Variants in FRMPD4 observed in about 807,000 individuals in gnomAD.
FRMPD4 encodes FERM and PDZ domain-containing protein 4.
In FRMPD4, 22 loss-of-function variants were observed where a neutral mutation model predicts 94.1. That is an observed-to-expected ratio of 0.23 (90% CI 0.17 to 0.33). FRMPD4 has a LOEUF of 0.33. Among genes scored for constraint, FRMPD4 ranks in the 10% least tolerant of loss-of-function variants. The probability of loss-of-function intolerance (pLI) is 1.00; values close to 1 mark genes in which losing one functional copy is unlikely to be tolerated. For missense variants in FRMPD4, 1,111 were observed against 1,339.9 expected (o/e 0.83, Z 2.67); for synonymous variants, 631 against 548.6 (o/e 1.15, Z -2.10).
At chrX:12,101,003 A>T (rs972356286) in intron 3 of FRMPD4, among the ~76,000 whole-genome samples, 1 of 112,276 alleles carries the variant, frequency 8.9e-6, no homozygotes, top group African/African-American at 3.2e-5. Context: ...ACAAAAAGCA[A>T]ACTTTATAGT....
At chrX:11,839,934 G>T (rs1245947472) in intron 1 of FRMPD4, among the ~76,000 whole-genome samples, 10 of 110,989 alleles carry the variant, frequency 9.0e-5, no homozygotes, top group Non-Finnish European at 1.7e-4. Flanking sequence ...CTGTTCTATT[G>T]GTCTATATAC....
Position 12,042,266 on chromosome X carries a change from T to G in FRMPD4, c.95+164248T>G, listed in dbSNP as rs765335223. Reference sequence around the variant, plus strand: ...GGAAACACTTTCCTATTCTTTTGCATGTCTCATAAGTCTTTGTTGAATGCT... The same window carrying G: ...GGAAACACTTTCCTATTCTTTTGCAGGTCTCATAAGTCTTTGTTGAATGCT... On this transcript the variant is annotated intron_variant, in intron 3 of 18. Coordinates refer to the FRMPD4 transcript ENST00000640291. Among the ~76,000 whole-genome samples, 315 of 109,631 alleles carry G rather than the reference T, an allele frequency of 2.9e-3. 1 individual carries two copies. Among genetic ancestry groups the G allele is most frequent in the Non-Finnish European group, 4.7e-3 (248 of 52,582 alleles).
intron 2 of FRMPD4, among the ~76,000 whole-genome samples, chrX:12,553,433 C>CATATATATATATATATAT (rs1257665252): frequency 1.4e-4 from 4 of 28,753 alleles, no homozygotes; most frequent in Non-Finnish European, 2.1e-4. Flanking sequence ...TATCCATATG[C>CATATATATATATATATAT]CTATATATAT....
At chrX:12,280,686 A>G (rs916872394) in intron 1 of FRMPD4, among the ~76,000 whole-genome samples, 2 of 111,614 alleles carry the variant, frequency 1.8e-5, no homozygotes, top group African/African-American at 6.5e-5. Context: ...CCTCGGATCT[A>G]TGGATTTTGA....
chrX:11,907,214 C>A (rs2053972728), intron 3 of FRMPD4, among the ~76,000 whole-genome samples: 1 of 108,802 alleles, frequency 9.2e-6, no homozygotes, highest in South Asian at 3.9e-4. Context: ...TTCTTTTAAC[C>A]TGTTTATAAC....
chrX:12,075,500 A>T (rs1242482680), intron 3 of FRMPD4, among the ~76,000 whole-genome samples: 1 of 112,492 alleles, frequency 8.9e-6, no homozygotes, highest in Non-Finnish European at 1.9e-5. Flanking sequence ...TTGAGCAAAG[A>T]TAAAATAAAT....
At chrX:11,915,915 T>A (rs2054022411) in intron 3 of FRMPD4, among the ~76,000 whole-genome samples, 1 of 112,103 alleles carries the variant, frequency 8.9e-6, no homozygotes, top group African/African-American at 3.2e-5. Flanking sequence ...TCATATAAAA[T>A]ACATTTAAAA....
intron 3 of FRMPD4, among the ~76,000 whole-genome samples, chrX:12,048,486 T>C (rs2054798398): frequency 8.9e-6 from 1 of 112,200 alleles, no homozygotes; most frequent in Non-Finnish European, 1.9e-5. Flanking sequence ...AGAAAGTCTT[T>C]AGTTTAATTA....
At chrX:12,238,042 A>G (rs780903141) in intron 1 of FRMPD4, among the ~76,000 whole-genome samples, 8 of 112,346 alleles carry the variant, frequency 7.1e-5, no homozygotes, top group Non-Finnish European at 1.1e-4. Context: ...ATACTACAAC[A>G]GGGTTGAGTG....
rs750773821 is a variant in FRMPD4, at chrX:12,701,855, C to T, written c.934-19C>T. On this transcript the variant is annotated intron_variant, in intron 9 of 16. Transcript: ENST00000675598. ...GCCTATTCTTTGACAAGCTGTGCCC[C>T]CTGCTGGTCTCTTCGCAGAGTTGTA... is the stretch of plus-strand genomic sequence containing the variant. The T allele has an allele frequency of 3.3e-6, 4 of 1,208,447 alleles. No homozygotes were observed. Among genetic ancestry groups the T allele is most frequent in the Non-Finnish European group, 2.2e-6 (2 of 892,825 alleles).
intron 3 of FRMPD4, among the ~76,000 whole-genome samples, chrX:11,982,090 T>C (rs767363253): frequency 8.9e-6 from 1 of 112,153 alleles, no homozygotes; most frequent in South Asian, 3.8e-4. Flanking sequence ...CAAATATCTA[T>C]GCTTTAGAAT....
rs1438178286 is a variant in FRMPD4, at chrX:11,920,511, C to A, written c.95+42493C>A. Reference sequence around the variant, plus strand: ...TGATTTTTGGAACAAAGGGGAATATCTCTTGTGATAAGACTGAGACATACT... The same window carrying A: ...TGATTTTTGGAACAAAGGGGAATATATCTTGTGATAAGACTGAGACATACT... On this transcript the variant is annotated intron_variant, in intron 3 of 18. Transcript: ENST00000640291. Among the ~76,000 whole-genome samples the A allele has an allele frequency of 2.7e-5, 3 of 111,915 alleles. No individual in the cohort carries two copies. In the Admixed American group the frequency reaches 2.8e-4, roughly 11 times the overall value.
Position 12,105,679 on chromosome X carries a change from G to A in FRMPD4, c.95+227661G>A, listed in dbSNP as rs775904677. 8.8e-4 allele frequency among the ~76,000 whole-genome samples: 99 copies of A among 112,309 alleles called. 1 individual carries two copies. Among genetic ancestry groups the A allele is most frequent in the South Asian group, 8.1e-3 (22 of 2,704 alleles). On this transcript the variant is annotated intron_variant, in intron 3 of 18. Coordinates refer to the FRMPD4 transcript ENST00000640291. ...TTTGTCTGTTTTGTATAGCCTTAAA[G>A]TTAAATTTATATTCAATGAATGGGG...
intron 1 of FRMPD4, among the ~76,000 whole-genome samples, chrX:11,853,063 G>A (rs2053634421): frequency 8.9e-6 from 1 of 112,128 alleles, no homozygotes; most frequent in South Asian, 3.7e-4. Flanking sequence ...TCAGACCACA[G>A]TGCAATCAAA....
chrX:12,470,147 A>G (rs779693796), intron 1 of FRMPD4, among the ~76,000 whole-genome samples: 3 of 112,150 alleles, frequency 2.7e-5, no homozygotes, highest in Admixed American at 9.4e-5. Context: ...AGCCACAGTT[A>G]AAATCAGTAT....
intron 5 of FRMPD4, among the ~76,000 whole-genome samples, chrX:12,683,264 T>C (rs1486777898): frequency 1.8e-5 from 2 of 112,012 alleles, no homozygotes; most frequent in East Asian, 5.6e-4. Context: ...TGGAACATAG[T>C]GGTGGTAGTT....
chrX:12,712,758 G>A (rs1440782452), intron 14 of FRMPD4, among the ~76,000 whole-genome samples: 1 of 111,797 alleles, frequency 8.9e-6, no homozygotes, highest in African/African-American at 3.3e-5. Flanking sequence ...AGGAGATTTA[G>A]AGCAATTTAA....
intron 1 of FRMPD4, among the ~76,000 whole-genome samples, chrX:12,396,351 CA>C (rs1228302038): frequency 8.0e-5 from 9 of 111,945 alleles, no homozygotes; most frequent in Non-Finnish European, 1.9e-5. Context: ...TTTTAATCAT[CA>C]TCAAACCATA....
At chrX:12,668,461 A>G (rs1002188687) in intron 4 of FRMPD4, among the ~76,000 whole-genome samples, 1 of 111,498 alleles carries the variant, frequency 9.0e-6, no homozygotes, top group African/African-American at 3.3e-5. Flanking sequence ...CTATAGCTGT[A>G]AAGACTTTAA....
Sources: allele counts gnomAD v4.1 joint callset (sites outside exome capture counted in the v4.1 genomes callset), GRCh38; gene constraint gnomAD v4.1.1; transcripts MANE v1.5; gene names NCBI Gene and HGNC (gene_info 2026-07-23, HGNC 2026-07-21).